EFR3A: variants seen among roughly 807,000 people sequenced by gnomAD.
EFR3A encodes EFR3 homolog A, also known as protein EFR3 homolog A.
EFR3A carries 76 observed loss-of-function variants against 104.4 expected under a neutral mutation model. The observed-to-expected ratio is 0.73, with a 90% CI of 0.60 to 0.88. The LOEUF is 0.88. Ranked by LOEUF, EFR3A falls within the 40% of genes least tolerant of loss-of-function variation. The probability of loss-of-function intolerance (pLI) is 0.00; values close to 1 mark genes in which losing one functional copy is unlikely to be tolerated. For synonymous variants in EFR3A, 330 were observed against 330.0 expected, an observed-to-expected ratio of 1.00 and a Z score of 0.00; for missense variants, 985 against 1,012.5, an observed-to-expected ratio of 0.97 and a Z score of 0.37.
chr8:131,953,861 A>G lies in EFR3A; in HGVS notation c.532A>G (p.Lys178Glu), dbSNP rs1818834864. Residue 178 changes from lysine to glutamate, a missense_variant, in exon 6 of 23, where the codon AAA becomes GAA. Physicochemically the swap from Lys to Glu is moderately conservative, Grantham distance 56. Coordinates refer to ENST00000254624, the MANE Select transcript of EFR3A (RefSeq NM_015137.6). ...GIRGIQGVVR[K>E]TVNDELRATI... The stretch of plus-strand genomic sequence containing the variant: ...TAGAGGTATTCAAGGTGTGGTTCGC[A>G]AAACAGTCAACGATGAACTTCGGGC... The G allele has an allele frequency of 6.4e-7, 1 of 1,569,996 alleles. No individual in the cohort carries two copies. The highest frequency in any genetic ancestry group is 8.7e-7 in the Non-Finnish European group (1 of 1,155,802).
chr8:131,969,402 C>T (rs1450124236), intron 9 of EFR3A, among the ~76,000 whole-genome samples: 4 of 152,014 alleles, frequency 2.6e-5, no homozygotes, highest in African/African-American at 4.8e-5. Context: ...GTAGTTTTTG[C>T]ATATAACCTT....
intron 1 of EFR3A, among the ~76,000 whole-genome samples, chr8:131,918,772 TC>T: frequency 6.6e-6 from 1 of 152,206 alleles, no homozygotes; most frequent in Non-Finnish European, 1.5e-5. Flanking sequence ...TTACAAACAC[TC>T]CTACAGATTT....
intron 10 of EFR3A, among the ~76,000 whole-genome samples, chr8:131,971,895 A>G (rs182006291): frequency 2.4e-4 from 37 of 152,228 alleles, no homozygotes; most frequent in Admixed American, 3.9e-4. Context: ...CTCTGAGAAG[A>G]CACTTTCAGA....
chr8:132,008,194 TAAAG>T (rs748506483), intron 22 of EFR3A, among the ~76,000 whole-genome samples: 1 of 152,032 alleles, frequency 6.6e-6, no homozygotes, highest in African/African-American at 2.4e-5. Flanking sequence ...CAATATCTGA[TAAAG>T]AACCCCTACA....
chr8:131,953,739 A>C lies in EFR3A; in HGVS notation c.489-79A>C, dbSNP rs1005445246. The C allele has an allele frequency of 5.5e-6, 7 of 1,265,886 alleles. No homozygotes were observed. In the East Asian group the frequency reaches 1.8e-4, roughly 33 times the overall value. The allele number at this position is 1,265,886 out of a possible 1,614,324, so 78.4% of individuals were successfully genotyped here. A position where few individuals can be genotyped will look rare whatever the true frequency, so the allele number is the denominator to read the frequency against. On this transcript the variant is annotated intron_variant, in intron 5 of 22. Transcript: ENST00000254624. The stretch of plus-strand genomic sequence containing the variant: ...AGATAACAGTATTTACTTGATATCC[A>C]TTCTCTTAGCTACGCAAACAGTCTT...
chr8:131,990,496 G>A (rs1160245244), intron 18 of EFR3A, among the ~76,000 whole-genome samples: 1 of 152,162 alleles, frequency 6.6e-6, no homozygotes, highest in Non-Finnish European at 1.5e-5. Context: ...GATTTGTTCC[G>A]TGAATTAATA....
chr8:131,957,103 T>C (rs1236491900), intron 7 of EFR3A, among the ~76,000 whole-genome samples: 1 of 152,152 alleles, frequency 6.6e-6, no homozygotes, highest in African/African-American at 2.4e-5. Flanking sequence ...TATTAGTTAA[T>C]TAATTAAATT....
intron 5 of EFR3A, among the ~76,000 whole-genome samples, chr8:131,951,017 G>A (rs1384907945): frequency 1.3e-5 from 2 of 151,988 alleles, no homozygotes; most frequent in African/African-American, 2.4e-5. Flanking sequence ...AAATCAACCC[G>A]GATTTAGAGT....
intron 14 of EFR3A, among the ~76,000 whole-genome samples, chr8:131,981,446 T>C (rs1276299388): frequency 1.3e-5 from 2 of 152,100 alleles, no homozygotes; most frequent in Non-Finnish European, 2.9e-5. Flanking sequence ...CCTTTTTGGG[T>C]CTTTCTCTTT....
intron 1 of EFR3A, among the ~76,000 whole-genome samples, chr8:131,931,440 C>G (rs1300545332): frequency 6.6e-6 from 1 of 151,966 alleles, no homozygotes; most frequent in Non-Finnish European, 1.5e-5. Context: ...AGTTATACCC[C>G]AAGACTGAGG....
At chr8:131,924,122 G>A in intron 1 of EFR3A, 2 of 444,536 alleles carry the variant, frequency 4.5e-6, no homozygotes, top group Admixed American at 2.4e-5. Flanking sequence ...ATTGTTTCTT[G>A]TGAGAACTAA....
At chr8:131,952,449 T>A (rs1181649287) in intron 5 of EFR3A, among the ~76,000 whole-genome samples, 4 of 152,132 alleles carry the variant, frequency 2.6e-5, no homozygotes, top group Admixed American at 1.3e-4. Context: ...CACTGCCCTT[T>A]AACCTTGAGC....
At chr8:131,998,315 A>G (rs1821599806) in intron 19 of EFR3A, among the ~76,000 whole-genome samples, 1 of 152,090 alleles carries the variant, frequency 6.6e-6, no homozygotes, top group African/African-American at 2.4e-5. Context: ...GAATCAGATA[A>G]GAACATTGCT....
intron 2 of EFR3A, 111 bp downstream of exon 2, chr8:131,940,686 A>G (rs1818125625): frequency 2.8e-6 from 4 of 1,427,554 alleles, no homozygotes; most frequent in Non-Finnish European, 3.7e-6. Flanking sequence ...CTTACATCTC[A>G]TCATTTATAC....
At chr8:131,968,541 C>T (rs570165793) in intron 9 of EFR3A, 111 bp downstream of exon 9, 22 of 1,148,274 alleles carry the variant, frequency 1.9e-5, no homozygotes, top group African/African-American at 9.5e-5. Flanking sequence ...ACACATTTTT[C>T]GGTGTACAAT....
At chr8:131,918,457 A>G (rs1273822154) in intron 1 of EFR3A, among the ~76,000 whole-genome samples, 2 of 152,218 alleles carry the variant, frequency 1.3e-5, no homozygotes, top group Admixed American at 1.3e-4. Flanking sequence ...GAATGCTTAA[A>G]TTAGTAGAAT....
rs79326161 is a variant in EFR3A at position 131,953,597 on chromosome 8, G to A, written c.489-221G>A. Reference sequence around the variant, plus strand: ...ATAGTCCTTTTAACGTTTTAAATGCGGATTTTAAGAACATGATATTTGAAG... The same window carrying A: ...ATAGTCCTTTTAACGTTTTAAATGCAGATTTTAAGAACATGATATTTGAAG... On this transcript the variant is annotated intron_variant, in intron 5 of 22. Transcript: ENST00000254624. 0.013 allele frequency among the ~76,000 whole-genome samples: 2,016 copies of A among 152,014 alleles called. 18 individuals are homozygous for A. Among genetic ancestry groups the A allele is most frequent in the Middle Eastern group, 0.02 (6 of 294 alleles).
In EFR3A at chr8:131,921,211, G is replaced by A. The variant is rs1817002811; in HGVS notation, c.10+16889G>A. Among the ~76,000 whole-genome samples the A allele has an allele frequency of 2.0e-5, 3 of 152,272 alleles. No individual in the cohort carries two copies. In the South Asian group the frequency reaches 6.2e-4, roughly 32 times the overall value. ...TGGAGGGTAGACCTCTGAAATCAAG[G>A]TGTTGGCAGGGTGGGTTCTTTGTGA... On this transcript the variant is annotated intron_variant, in intron 1 of 22. Transcript: ENST00000254624.
At chr8:131,995,038 G>GT (rs1821404303) in intron 18 of EFR3A, among the ~76,000 whole-genome samples, 1 of 152,038 alleles carries the variant, frequency 6.6e-6, no homozygotes, top group Non-Finnish European at 1.5e-5. Context: ...TTGGAACTAT[G>GT]TTTTTTCAGA....
Sources: allele counts gnomAD v4.1 joint callset (sites outside exome capture counted in the v4.1 genomes callset), GRCh38; gene constraint gnomAD v4.1.1; transcripts MANE v1.5; gene names NCBI Gene and HGNC (gene_info 2026-07-23, HGNC 2026-07-21).